RBPJ: variants seen among roughly 807,000 people sequenced by gnomAD.
The protein encoded by RBPJ is recombining binding protein suppressor of hairless.
Under a neutral mutation model 67.8 loss-of-function variants are expected in RBPJ, and 9 were observed. The observed-to-expected ratio is 0.13, with a 90% CI of 0.08 to 0.23. RBPJ has a LOEUF of 0.23. Among genes scored for constraint, RBPJ ranks in the 10% least tolerant of loss-of-function variants. The pLI is 1.00. For missense variants in RBPJ, 305 were observed against 595.6 expected (o/e 0.51, Z 5.08); for synonymous variants, 198 against 203.3 (o/e 0.97, Z 0.22).
chr4:26,229,670 C>A, intron 1 of RBPJ, among the ~76,000 whole-genome samples: 1 of 152,140 alleles, frequency 6.6e-6, no homozygotes, highest in Non-Finnish European at 1.5e-5. Context: ...GGCTGTGTGT[C>A]ATCTAAGCTT....
At chr4:26,419,445 A>G (rs1489882264) in intron 4 of RBPJ, among the ~76,000 whole-genome samples, 1 of 152,226 alleles carries the variant, frequency 6.6e-6, no homozygotes, top group Non-Finnish European at 1.5e-5. Flanking sequence ...GAAATACAAT[A>G]AACTATTGCA....
Position 26,387,216 on chromosome 4 carries a change from A to G in RBPJ, c.59+825A>G, listed in dbSNP as rs1048913318. On this transcript the variant is annotated intron_variant, in intron 2 of 10. Coordinates refer to ENST00000355476, the MANE Select transcript of RBPJ (RefSeq NM_015874.6). ...TTTAGGTCATTTCCAAATTATTGCT[A>G]TTATTTTAAAAAGCTGTTACACTTA... Among the ~76,000 whole-genome samples the G allele has an allele frequency of 3.3e-5, 5 of 152,056 alleles. No individual in the cohort carries two copies. The South Asian group carries it at 8.3e-4, about 25-fold the overall frequency.
intron 1 of RBPJ, among the ~76,000 whole-genome samples, chr4:26,251,631 CAA>C (rs763009793): frequency 0.077 from 7,661 of 99,562 alleles, 348 homozygotes; most frequent in African/African-American, 0.17. Context: ...GACTCTTTCT[CAA>C]AAAAAAAAAA....
At chr4:26,361,044 A>AGT (rs1232813456) in intron 1 of RBPJ, among the ~76,000 whole-genome samples, 3 of 95,276 alleles carry the variant, frequency 3.1e-5, no homozygotes, top group Admixed American at 2.7e-4. Flanking sequence ...TCCTTTCAGG[A>AGT]GTGAGTGTGT....
At chr4:26,165,857 C>A (rs1716268284) in intron 1 of RBPJ, among the ~76,000 whole-genome samples, 1 of 117,414 alleles carries the variant, frequency 8.5e-6, no homozygotes, top group Admixed American at 9.6e-5. Flanking sequence ...CTAATGCTAT[C>A]CCTCCCCCCT....
the RBPJ span, chr4:26,113,643 C>T: frequency 3.3e-6 from 1 of 306,356 alleles, no homozygotes; most frequent in Non-Finnish European, 6.7e-6. Context: ...GGAACACACA[C>T]ACGAGAGAAA....
At position 26,424,032 on chromosome 4, in the gene RBPJ, A is replaced by G. The variant is rs1428191227; in HGVS notation, c.497-310A>G. ...CATCCTTTCAATAGGTCATCATTTA[A>G]ATTTCTACTGTCTAACATTATTTTA... On this transcript the variant is annotated intron_variant, in intron 5 of 10. Transcript: ENST00000355476. The surrounding 1 kb of genome is among the most constrained non-coding windows in gnomAD (Gnocchi z 5.3). Among the ~76,000 whole-genome samples the G allele has an allele frequency of 6.6e-6, 1 of 152,192 alleles. No homozygotes were observed. Among genetic ancestry groups the G allele is most frequent in the East Asian group, 1.9e-4 (1 of 5,198 alleles).
intron 1 of RBPJ, among the ~76,000 whole-genome samples, chr4:26,267,693 C>A (rs1262403432): frequency 6.6e-6 from 1 of 152,014 alleles, no homozygotes; most frequent in African/African-American, 2.4e-5. Flanking sequence ...CTGCACCCTC[C>A]ACCTCCCAGG....
chr4:26,170,061 C>T lies in RBPJ; in HGVS notation c.-167+6447C>T, dbSNP rs866986679. On this transcript the variant is annotated intron_variant, in intron 1 of 4. Coordinates refer to the RBPJ transcript ENST00000512351. ...CAATGCCTCACCGTGCTTCGGCTGGCGCACGGTGCGCTGCACCTACTGTCC... is the reference window on the plus strand; with the variant it reads ...CAATGCCTCACCGTGCTTCGGCTGGTGCACGGTGCGCTGCACCTACTGTCC... Among the ~76,000 whole-genome samples, 60 of 152,230 alleles carry T rather than the reference C, an allele frequency of 3.9e-4. No homozygotes were observed. The Middle Eastern group carries it at 0.017, about 43-fold the overall frequency.
chr4:26,403,639 G>T (rs1733083102), intron 2 of RBPJ, among the ~76,000 whole-genome samples: 1 of 151,860 alleles, frequency 6.6e-6, no homozygotes. Flanking sequence ...TGCGATATTT[G>T]TTTTTTTGTT....
chr4:26,306,599 G>A (rs1351707104), intron 1 of RBPJ, among the ~76,000 whole-genome samples: 4 of 151,874 alleles, frequency 2.6e-5, no homozygotes, highest in Non-Finnish European at 2.9e-5. Flanking sequence ...ACAGGTGTCC[G>A]CCACCATGCC....
At chr4:26,158,279 C>G in the RBPJ span, among the ~76,000 whole-genome samples, 2 of 152,158 alleles carry the variant, frequency 1.3e-5, no homozygotes, top group South Asian at 4.2e-4. Context: ...GGACAGTGTT[C>G]TAGGTGGATG....
At chr4:26,311,117 G>A (rs1393110800) in intron 1 of RBPJ, among the ~76,000 whole-genome samples, 3 of 152,144 alleles carry the variant, frequency 2.0e-5, no homozygotes, top group Non-Finnish European at 4.4e-5. Context: ...ACTTGAAACA[G>A]TAATACTTTG....
chr4:26,176,383 C>T (rs1236243762), intron 1 of RBPJ, among the ~76,000 whole-genome samples: 1 of 152,152 alleles, frequency 6.6e-6, no homozygotes, highest in Non-Finnish European at 1.5e-5. Flanking sequence ...CACAACACCA[C>T]ACAAGAATCC....
chr4:26,326,610 C>T (rs1049779512), intron 1 of RBPJ, among the ~76,000 whole-genome samples: 6 of 152,096 alleles, frequency 3.9e-5, no homozygotes, highest in African/African-American at 1.4e-4. Flanking sequence ...TTTCTTTAAG[C>T]TTCAGGTTCT....
In RBPJ at chr4:26,195,621, G is replaced by A. The variant is rs61096650; in HGVS notation, c.-167+32007G>A. Among the ~76,000 whole-genome samples, 624 of 152,096 alleles carry A rather than the reference G, an allele frequency of 4.1e-3. 5 individuals carry two copies. Among genetic ancestry groups the A allele is most frequent in the African/African-American group, 0.015 (607 of 41,510 alleles). ...TTTGGTTTTTGTTTTTTGAGACGGA[G>A]TCTCACTCGGTCGCCCAGGCTGGAG... On this transcript the variant is annotated intron_variant, in intron 1 of 4. Coordinates refer to the RBPJ transcript ENST00000512351.
In RBPJ at chr4:26,168,449, G is replaced by A. The variant is rs1209571358; in HGVS notation, c.-167+4835G>A. Among the ~76,000 whole-genome samples the A allele has an allele frequency of 5.3e-5, 8 of 152,190 alleles. No homozygotes were observed. The South Asian group carries it at 6.2e-4, about 12-fold the overall frequency. ...GTTTCTGCTGAGAGATCTGCTGTTCGTCTGATGGGCTTCCCTTTGTGGGTA... is the reference window on the plus strand; with the variant it reads ...GTTTCTGCTGAGAGATCTGCTGTTCATCTGATGGGCTTCCCTTTGTGGGTA... On this transcript the variant is annotated intron_variant, in intron 1 of 4. Coordinates refer to the RBPJ transcript ENST00000512351.
intron 1 of RBPJ, among the ~76,000 whole-genome samples, chr4:26,354,124 G>A (rs1727099316): frequency 6.6e-6 from 1 of 151,258 alleles, no homozygotes; most frequent in South Asian, 2.1e-4. Context: ...GTAGAGACGG[G>A]GTTTCACCAT....
At chr4:26,248,136 C>A (rs1304741034) in intron 1 of RBPJ, among the ~76,000 whole-genome samples, 8 of 152,034 alleles carry the variant, frequency 5.3e-5, no homozygotes, top group Admixed American at 5.2e-4. Flanking sequence ...ACTAAAAATA[C>A]AAAAATTAGC....
Sources: allele counts gnomAD v4.1 joint callset (sites outside exome capture counted in the v4.1 genomes callset), GRCh38; gene constraint gnomAD v4.1.1; non-coding constraint Gnocchi (gnomAD v3.1); transcripts MANE v1.5; gene names NCBI Gene and HGNC (gene_info 2026-07-23, HGNC 2026-07-21).